TAFA4: variants seen among roughly 807,000 people sequenced by gnomAD.
TAFA4 encodes the protein chemokine-like protein TAFA-4.
TAFA4 carries 20 observed loss-of-function variants against 21.1 expected under a neutral mutation model. That is an observed-to-expected ratio of 0.95 (90% CI 0.67 to 1.38). The LOEUF (loss-of-function observed/expected upper bound fraction) is 1.38, where lower values mean the gene tolerates loss of function less well. TAFA4 is among the 40% of genes most tolerant of loss of function. TAFA4 has a pLI of 0.00. For missense variants in TAFA4, 211 were observed against 180.9 expected (o/e 1.17, Z -0.95); for synonymous variants, 71 against 67.4 (o/e 1.05, Z -0.26).
intron 3 of TAFA4, among the ~76,000 whole-genome samples, chr3:68,830,067 T>C (rs2106876822): frequency 6.6e-6 from 1 of 151,976 alleles, no homozygotes; most frequent in African/African-American, 2.4e-5. Flanking sequence ...GTCTACTTGA[T>C]TCTTCTCTCT....
intron 1 of TAFA4, among the ~76,000 whole-genome samples, chr3:68,893,102 T>C (rs2089747764): frequency 6.6e-6 from 1 of 152,208 alleles, no homozygotes; most frequent in Admixed American, 6.5e-5. Context: ...CAGTTTTTAA[T>C]TGGAAATTTT....
At chr3:68,839,486 G>A (rs1704603957) in intron 3 of TAFA4, among the ~76,000 whole-genome samples, 1 of 152,160 alleles carries the variant, frequency 6.6e-6, no homozygotes, top group African/African-American at 2.4e-5. Flanking sequence ...TTGTAGTCAA[G>A]GCAGGTATGA....
At chr3:68,873,678 G>C (rs1164998997) in intron 3 of TAFA4, among the ~76,000 whole-genome samples, 1 of 152,132 alleles carries the variant, frequency 6.6e-6, no homozygotes, top group South Asian at 2.1e-4. Flanking sequence ...CATTTCTCTA[G>C]CTCAAATCCA....
chr3:68,883,430 A>G (rs539297204), intron 2 of TAFA4, among the ~76,000 whole-genome samples: 1 of 152,330 alleles, frequency 6.6e-6, no homozygotes, highest in African/African-American at 2.4e-5. Flanking sequence ...TCTTTTGATT[A>G]ACTAAATTCA....
intron 3 of TAFA4, among the ~76,000 whole-genome samples, chr3:68,793,139 T>A (rs753346648): frequency 6.6e-6 from 1 of 152,178 alleles, no homozygotes; most frequent in African/African-American, 2.4e-5. Flanking sequence ...TTCAGGGACA[T>A]AGAAACTGAT....
At position 68,821,326 on chromosome 3, in the gene TAFA4, C is replaced by CTTTT. The variant is rs575774839; in HGVS notation, c.130+59400_130+59403dup. Among the ~76,000 whole-genome samples the CTTTT allele has an allele frequency of 4.1e-5, 3 of 73,668 alleles. 1 individual carries two copies. Among genetic ancestry groups the CTTTT allele is most frequent in the Non-Finnish European group, 7.5e-5 (3 of 39,758 alleles). The allele number at this position is 73,668 out of a possible 152,430, so 48.3% of individuals were successfully genotyped here. A position where few individuals can be genotyped will look rare whatever the true frequency, so the allele number is the denominator to read the frequency against. ...ATACACTATGTAGACAACCTCCCTG[C>CTTTT]TTTTTTTTTTTTTTTTTTTTTTTTT... On this transcript the variant is annotated intron_variant, in intron 3 of 5. Transcript: ENST00000295569.
At chr3:68,800,428 CACA>C (rs1297944902) in intron 3 of TAFA4, among the ~76,000 whole-genome samples, 2 of 152,198 alleles carry the variant, frequency 1.3e-5, no homozygotes, top group African/African-American at 4.8e-5. Flanking sequence ...CCCCAGTGAG[CACA>C]ACAACAATCT....
chr3:68,780,645 G>T (rs1000687670), intron 3 of TAFA4, among the ~76,000 whole-genome samples: 1 of 152,302 alleles, frequency 6.6e-6, no homozygotes, highest in East Asian at 1.9e-4. Context: ...GGCTTCCTCA[G>T]CCACATGGAA....
intron 3 of TAFA4, among the ~76,000 whole-genome samples, chr3:68,771,139 G>A (rs1204329337): frequency 6.6e-6 from 1 of 152,060 alleles, no homozygotes; most frequent in Admixed American, 6.6e-5. Context: ...CCATCTCACT[G>A]AGAGCTACCT....
intron 1 of TAFA4, among the ~76,000 whole-genome samples, chr3:68,918,580 C>T (rs1220562745): frequency 6.6e-6 from 1 of 152,176 alleles, no homozygotes; most frequent in Non-Finnish European, 1.5e-5. Context: ...CTCTGTCACC[C>T]AAGCGGGAAT....
intron 3 of TAFA4, among the ~76,000 whole-genome samples, chr3:68,818,012 G>C (rs1704026916): frequency 6.6e-6 from 1 of 152,154 alleles, no homozygotes; most frequent in Non-Finnish European, 1.5e-5. Context: ...TTCTAGCTAG[G>C]AAAGTCCTAG....
At chr3:68,893,831 C>T (rs1241829077) in intron 1 of TAFA4, among the ~76,000 whole-genome samples, 1 of 152,130 alleles carries the variant, frequency 6.6e-6, no homozygotes, top group Non-Finnish European at 1.5e-5. Flanking sequence ...GACAATGGTG[C>T]CCTCCTGTGG....
chr3:68,918,852 C>T (rs2090030506), intron 1 of TAFA4, among the ~76,000 whole-genome samples: 5 of 152,194 alleles, frequency 3.3e-5, no homozygotes, highest in Admixed American at 3.3e-4. Context: ...CTTCCATTTG[C>T]TTTAAAACCA....
intron 3 of TAFA4, among the ~76,000 whole-genome samples, chr3:68,813,720 C>T (rs1345510753): frequency 1.3e-5 from 2 of 152,050 alleles, no homozygotes; most frequent in Non-Finnish European, 2.9e-5. Flanking sequence ...GATTCACAGC[C>T]GAATTCTACC....
At chr3:68,833,080 G>T (rs545579048) in intron 3 of TAFA4, among the ~76,000 whole-genome samples, 1 of 152,228 alleles carries the variant, frequency 6.6e-6, no homozygotes, top group South Asian at 2.1e-4. Flanking sequence ...TATTTGGGCA[G>T]AGTGTACCAT....
At chr3:68,884,274 C>T (rs1350297078) in intron 2 of TAFA4, among the ~76,000 whole-genome samples, 1 of 152,164 alleles carries the variant, frequency 6.6e-6, no homozygotes, top group Non-Finnish European at 1.5e-5. Flanking sequence ...TGGGTTCAGT[C>T]AAGGAAACGC....
At chr3:68,812,146 G>A (rs929453526) in intron 3 of TAFA4, among the ~76,000 whole-genome samples, 7 of 152,150 alleles carry the variant, frequency 4.6e-5, no homozygotes, top group African/African-American at 1.7e-4. Context: ...TCACCACCAG[G>A]CCTGTGCTAA....
intron 3 of TAFA4, among the ~76,000 whole-genome samples, chr3:68,864,856 G>C (rs1361821890): frequency 6.6e-6 from 1 of 151,920 alleles, no homozygotes. Context: ...TATGCAGAAA[G>C]AAACCAGATG....
intron 1 of TAFA4, among the ~76,000 whole-genome samples, chr3:68,929,742 T>C (rs2090142478): frequency 6.6e-6 from 1 of 152,250 alleles, no homozygotes; most frequent in Admixed American, 6.5e-5. Context: ...AATTGCAATC[T>C]GAGAATGTTA....
Sources: gnomAD v4.1 joint callset for allele counts (sites outside exome capture counted in the v4.1 genomes callset) on GRCh38, gnomAD v4.1.1 for gene constraint, MANE v1.5 for transcripts, NCBI Gene and HGNC (gene_info 2026-07-23, HGNC 2026-07-21) for gene names.